The following FAM200C variants were observed in gnomAD, a reference collection of about 807,000 sequenced individuals.
chr5:160,394,124 T>C, the FAM200C span: 11 of 1,613,688 alleles, frequency 6.8e-6, no homozygotes, highest in East Asian at 2.2e-5. Context: ...ATGGAAGAAG[T>C]TGCTCAATTG....
the FAM200C span, among the ~76,000 whole-genome samples, chr5:160,396,807 A>C: frequency 1.3e-5 from 2 of 152,148 alleles, no homozygotes; most frequent in Non-Finnish European, 2.9e-5. Flanking sequence ...ACTCTTAAGT[A>C]AAATAACGAA....
At chr5:160,398,383 CT>C in the FAM200C span, among the ~76,000 whole-genome samples, 1 of 152,206 alleles carries the variant, frequency 6.6e-6, no homozygotes, top group East Asian at 1.9e-4. Flanking sequence ...AACCTCGTCT[CT>C]ACTAAAAATA....
the FAM200C span, among the ~76,000 whole-genome samples, chr5:160,398,124 C>G: frequency 6.6e-6 from 1 of 152,146 alleles, no homozygotes; most frequent in Admixed American, 6.5e-5. Flanking sequence ...TGCCTGTAGT[C>G]CCATCTACTC....
At chr5:160,396,115 T>A in the FAM200C span, among the ~76,000 whole-genome samples, 70 of 152,252 alleles carry the variant, frequency 4.6e-4, no homozygotes, top group East Asian at 0.011. Flanking sequence ...TACATTGTAC[T>A]CATTATTTCT....
the FAM200C span, among the ~76,000 whole-genome samples, chr5:160,398,788 C>T: frequency 2.0e-5 from 3 of 152,078 alleles, no homozygotes; most frequent in Admixed American, 6.5e-5. Flanking sequence ...TTTGCACTTG[C>T]GCTTTTGTGG....
At chr5:160,396,983 G>A in the FAM200C span, among the ~76,000 whole-genome samples, 17 of 152,184 alleles carry the variant, frequency 1.1e-4, no homozygotes, top group African/African-American at 4.1e-4. Flanking sequence ...TGGAGTGGGG[G>A]CCTAGAATCT....
the FAM200C span, chr5:160,394,794 C>T: frequency 1.2e-6 from 2 of 1,613,940 alleles, no homozygotes; most frequent in African/African-American, 1.3e-5. Context: ...ACATCAAGTG[C>T]TATCTTATGC....
At chr5:160,394,115 T>C in the FAM200C span, 3 of 1,613,678 alleles carry the variant, frequency 1.9e-6, no homozygotes, top group African/African-American at 1.3e-5. Context: ...AAAATATCCA[T>C]GGAAGAAGTT....
the FAM200C span, among the ~76,000 whole-genome samples, chr5:160,399,460 G>A: frequency 6.6e-6 from 1 of 152,212 alleles, no homozygotes; most frequent in African/African-American, 2.4e-5. Context: ...GGTGTCTGGG[G>A]AGGCAGAGCA....
chr5:160,399,832 G>A, the FAM200C span: 1 of 151,844 alleles, frequency 6.6e-6, no homozygotes, highest in Non-Finnish European at 1.5e-5. Context: ...CTCCAAGCCT[G>A]AGGCGCAGGC....
At chr5:160,396,391 T>C in the FAM200C span, among the ~76,000 whole-genome samples, 2 of 152,142 alleles carry the variant, frequency 1.3e-5, no homozygotes, top group African/African-American at 4.8e-5. Context: ...GGCTACAAAT[T>C]GGCTCAGAGC....
chr5:160,395,149 CT>C, the FAM200C span: 19 of 1,613,844 alleles, frequency 1.2e-5, no homozygotes, highest in Admixed American at 3.2e-4. Context: ...GTTTCACTAA[CT>C]TTTCAGCTAC....
At chr5:160,394,232 T>G in the FAM200C span, 4 of 1,611,980 alleles carry the variant, frequency 2.5e-6, no homozygotes, top group Non-Finnish European at 3.4e-6. Context: ...ATTTCTTTTC[T>G]CAATTCGTTT....
chr5:160,394,143 G>A, the FAM200C span: 1 of 1,613,452 alleles, frequency 6.2e-7, no homozygotes, highest in African/African-American at 1.3e-5. Flanking sequence ...TGTTGCAGAT[G>A]CAGTGTTATT....
At chr5:160,395,062 A>T in the FAM200C span, 1 of 1,614,096 alleles carries the variant, frequency 6.2e-7, no homozygotes, top group East Asian at 2.2e-5. Flanking sequence ...GGATCACATC[A>T]TCTGATAAGG....
the FAM200C span, among the ~76,000 whole-genome samples, chr5:160,396,811 T>C: frequency 7.0e-6 from 1 of 143,268 alleles, no homozygotes; most frequent in Admixed American, 7.2e-5. Context: ...TTAAGTAAAA[T>C]AACGAATTTC....
chr5:160,398,858 A>G, the FAM200C span, among the ~76,000 whole-genome samples: 42 of 152,240 alleles, frequency 2.8e-4, no homozygotes, highest in Non-Finnish European at 5.7e-4. Flanking sequence ...TGATAAGGAG[A>G]TATTGTTAAA....
the FAM200C span, chr5:160,393,724 T>C: frequency 1.3e-6 from 2 of 1,550,602 alleles, no homozygotes; most frequent in South Asian, 2.4e-5. Flanking sequence ...ACTTCTGCTG[T>C]AGCTGTAGCT....
At chr5:160,399,657 G>T in the FAM200C span, 6 of 151,998 alleles carry the variant, frequency 3.9e-5, no homozygotes, top group Non-Finnish European at 8.8e-5. Flanking sequence ...GTTGTTAGGA[G>T]ATTTAATTAT....
Sources: allele counts gnomAD v4.1 joint callset (sites outside exome capture counted in the v4.1 genomes callset), GRCh38; gene constraint gnomAD v4.1.1; transcripts MANE v1.5.